UGT2B10: variants seen among roughly 807,000 people sequenced by gnomAD.
UGT2B10 encodes UDP-glucuronosyltransferase 2B10.
UGT2B10 carries 51 observed loss-of-function variants against 43.7 expected under a neutral mutation model. That is an observed-to-expected ratio of 1.17 (90% CI 0.93 to 1.47). The LOEUF (loss-of-function observed/expected upper bound fraction) is 1.47. Ranked by LOEUF, UGT2B10 falls within the 40% of genes most tolerant of loss-of-function variation. The pLI is 0.00. For missense variants in UGT2B10, 696 were observed against 617.7 expected, an observed-to-expected ratio of 1.13 and a Z score of -1.34; for synonymous variants, 225 against 209.0, an observed-to-expected ratio of 1.08 and a Z score of -0.66.
chr4:68,823,228 A>C lies in UGT2B10; in HGVS notation c.999+826A>C, dbSNP rs150311471. On this transcript the variant is annotated intron_variant, in intron 3 of 5. Coordinates refer to ENST00000265403, the MANE Select transcript of UGT2B10 (RefSeq NM_001075.6). ...TGTGATTAAAAGTGTAAACTATAGG[A>C]TGGGCATGGTGGTTCGCGCCTGTAA... 3.5e-3 allele frequency among the ~76,000 whole-genome samples: 537 copies of C among 152,082 alleles called. 3 individuals carry two copies. Among genetic ancestry groups the C allele is most frequent in the East Asian group, 0.013 (67 of 5,140 alleles).
At chr4:68,817,270 T>G (rs987084747) in intron 1 of UGT2B10, among the ~76,000 whole-genome samples, 36 of 151,752 alleles carry the variant, frequency 2.4e-4, no homozygotes, top group African/African-American at 8.7e-4. Flanking sequence ...TAATTTGAAG[T>G]TTCAAATGTT....
At chr4:68,819,560 T>A (rs1737391352) in intron 2 of UGT2B10, among the ~76,000 whole-genome samples, 1 of 152,002 alleles carries the variant, frequency 6.6e-6, no homozygotes, top group South Asian at 2.1e-4. Flanking sequence ...TGCATTGAGA[T>A]CCCAGAATTT....
chr4:68,817,779 T>C (rs1737287911), intron 1 of UGT2B10, among the ~76,000 whole-genome samples: 1 of 151,832 alleles, frequency 6.6e-6, no homozygotes, highest in South Asian at 2.1e-4. Context: ...GTGAGTATAC[T>C]GACATGACAT....
rs116686087 is a variant in UGT2B10 at position 68,829,209 on chromosome 4, C to A, written c.1308-1391C>A. Among the ~76,000 whole-genome samples the A allele has an allele frequency of 9.4e-3, 1,434 of 151,986 alleles. 30 individuals are homozygous for A. Among genetic ancestry groups the A allele is most frequent in the South Asian group, 0.059 (282 of 4,820 alleles). The stretch of plus-strand genomic sequence containing the variant: ...CAATGGAATTACCCAAGAACGGTTA[C>A]ACTAAAAAAAATAAACACTAAGGAG... On this transcript the variant is annotated intron_variant, in intron 5 of 5. Transcript: ENST00000265403.
chr4:68,819,229 T>C (rs1737375610), intron 2 of UGT2B10, among the ~76,000 whole-genome samples: 1 of 152,002 alleles, frequency 6.6e-6, no homozygotes, highest in African/African-American at 2.4e-5. Context: ...ATTTTATTAC[T>C]AATACTACTA....
intron 3 of UGT2B10, among the ~76,000 whole-genome samples, chr4:68,824,041 C>T (rs1737646649): frequency 6.6e-6 from 1 of 152,182 alleles, no homozygotes; most frequent in Non-Finnish European, 1.5e-5. Flanking sequence ...TGGGTGACTT[C>T]AGTAGCACAA....
At chr4:68,821,348 G>C (rs1737483731) in intron 2 of UGT2B10, among the ~76,000 whole-genome samples, 1 of 152,150 alleles carries the variant, frequency 6.6e-6, no homozygotes, top group South Asian at 2.1e-4. Context: ...CTACTCAAAA[G>C]AGAGACAAGA....
Position 68,822,122 on chromosome 4 carries a change from G to A in UGT2B10, c.868-149G>A, listed in dbSNP as rs542495000. ...TCATACATCTTCTTGCAAAGAAACA[G>A]TGATTGAGTCAGTTAAAAAATATTA... On this transcript the variant is annotated intron_variant, in intron 2 of 5. Coordinates refer to ENST00000265403, the MANE Select transcript of UGT2B10 (RefSeq NM_001075.6). 300 of 1,215,756 alleles carry A rather than the reference G, an allele frequency of 2.5e-4. 6 individuals are homozygous for A. The South Asian group carries it at 3.1e-3, about 12-fold the overall frequency. The allele number at this position is 1,215,756 out of a possible 1,614,324, so 75.3% of individuals were successfully genotyped here.
In UGT2B10 at chr4:68,816,731, G is replaced by A. The variant is rs1169648748; in HGVS notation, c.712G>A (p.Val238Ile). The A allele has an allele frequency of 1.3e-6, 2 of 1,586,966 alleles. No homozygotes were observed. Among genetic ancestry groups the A allele is most frequent in the Non-Finnish European group, 1.7e-6 (2 of 1,168,590 alleles). The part of the protein sequence containing the change: ...MKKWDQFYSE[V>I]LGRPTTLSET... ...GAAGTGGGATCAGTTTTACAGTGAA[G>A]TTTTAGGTAAGATTTTTTTCAATTA... Residue 238 changes from valine to isoleucine, a missense_variant, in exon 1 of 6, where the codon GTT becomes ATT. By Grantham distance (29) the Val-to-Ile change is conservative (BLOSUM62 3). Coordinates refer to ENST00000265403, the MANE Select transcript of UGT2B10 (RefSeq NM_001075.6).
In UGT2B10 at chr4:68,830,761, T is replaced by C. The variant is rs766051025; in HGVS notation, c.1469T>C (p.Leu490Ser). ...CTCACCTGGTTCCAGTACCACTCTT[T>C]GGATGTGATTGGGTTCCTGCTGGCT... is the stretch of plus-strand genomic sequence containing the variant. ...HNLTWFQYHS[L>S]DVIGFLLACV... The change falls in exon 6 of 6, where the codon TTG becomes TCG. Residue 490 changes from leucine (L) to serine (S), a missense_variant. By Grantham distance (145) the Leu-to-Ser change is moderately radical. Coordinates refer to ENST00000265403, the MANE Select transcript of UGT2B10 (RefSeq NM_001075.6). 52 of 1,613,426 alleles carry C rather than the reference T, an allele frequency of 3.2e-5. No homozygotes were observed. The East Asian group carries it at 1.2e-3, about 36-fold the overall frequency.
At chr4:68,817,878 AATTATTCCTAT>A in intron 1 of UGT2B10, 140 bp from the exon 2 acceptor site, 1 of 906,368 alleles carries the variant, frequency 1.1e-6, no homozygotes, top group Non-Finnish European at 1.5e-6. Flanking sequence ...ATAAAAAATA[AATTATTCCTAT>A]ATATGAATAT....
rs371284718 is a variant in UGT2B10, at chr4:68,817,993, A to T, written c.719-36A>T. 1.3e-5 allele frequency: 20 copies of T among 1,589,536 alleles called. No individual in the cohort carries two copies. The African/African-American group carries it at 2.3e-4, about 18-fold the overall frequency. On this transcript the variant is annotated intron_variant, in intron 1 of 5. Coordinates refer to ENST00000265403, the MANE Select transcript of UGT2B10 (RefSeq NM_001075.6). ...GAAAATTACATAAAGTAATTATCTT[A>T]TGTCATCCACTTCTTCTTTTCTTTA... is the stretch of plus-strand genomic sequence containing the variant.
rs1432535982 is a variant in UGT2B10, at chr4:68,831,475, A to G, written c.*596A>G. Among the ~76,000 whole-genome samples the G allele has an allele frequency of 6.6e-6, 1 of 152,158 alleles. No individual in the cohort carries two copies. The highest frequency in any genetic ancestry group is 2.4e-5 in the African/African-American group (1 of 41,464). The stretch of plus-strand genomic sequence containing the variant: ...CATAAAAGAAGAATGGGATGAGGTG[A>G]GAAGGATGAATACAAAAATAATTAG... On this transcript the variant is annotated 3_prime_UTR_variant, in exon 6 of 6. Coordinates refer to ENST00000265403, the MANE Select transcript of UGT2B10 (RefSeq NM_001075.6).
Position 68,831,119 on chromosome 4 carries a change from A to G in UGT2B10, c.*240A>G. ...ATAAAAAATAATATAAAGCCATATG[A>G]GCTTGTATTGAAATTTGTTGCACTT... On this transcript the variant is annotated 3_prime_UTR_variant, in exon 6 of 6. Coordinates refer to ENST00000265403, the MANE Select transcript of UGT2B10 (RefSeq NM_001075.6). The G allele has an allele frequency of 2.0e-6, 1 of 510,444 alleles. No homozygotes were observed. The highest frequency in any genetic ancestry group is 3.3e-6 in the Non-Finnish European group (1 of 301,684). 31.6% of individuals were successfully genotyped at this position (510,444 alleles called of 1,614,324 possible).
At position 68,822,366 on chromosome 4, in the gene UGT2B10, C is replaced by T. The variant is rs374908612; in HGVS notation, c.963C>T (p.Asn321=). The change falls in exon 3 of 6, where the codon AAC becomes AAT. Residue 321 remains asparagine (N), a synonymous_variant. Coordinates refer to ENST00000265403, the MANE Select transcript of UGT2B10 (RefSeq NM_001075.6). ...GTAACATGACAGAAGAAAGGGCCAA[C>T]GTAATTGCAACAGCCCTTGCCAAGA... is the stretch of plus-strand genomic sequence containing the variant. ...MVSNMTEERA[N]VIATALAKIP... 88 of 1,613,432 alleles carry T rather than the reference C, an allele frequency of 5.5e-5. No homozygotes were observed. The highest frequency in any genetic ancestry group is 1.6e-4 in the South Asian group (15 of 91,066).
intron 2 of UGT2B10, among the ~76,000 whole-genome samples, chr4:68,821,851 G>C (rs1389124229): frequency 6.6e-6 from 1 of 151,300 alleles, no homozygotes; most frequent in East Asian, 2.0e-4. Context: ...CAGAAAACCT[G>C]CCTGAAATAA....
rs114760275 is a variant in UGT2B10, at chr4:68,825,439, G to A, written c.1000-971G>A. Among the ~76,000 whole-genome samples the A allele has an allele frequency of 5.3e-5, 8 of 151,868 alleles. No homozygotes were observed. In the South Asian group the frequency reaches 1.5e-3, roughly 28 times the overall value. On this transcript the variant is annotated intron_variant, in intron 3 of 5. Transcript: ENST00000265403. Reference sequence around the variant, plus strand: ...TTGTACTGATTGTTTCATCACCCACGTATTAAGACTAATATTCATTTATTA... The same window carrying A: ...TTGTACTGATTGTTTCATCACCCACATATTAAGACTAATATTCATTTATTA...
At chr4:68,825,134 G>C (rs1003829963) in intron 3 of UGT2B10, among the ~76,000 whole-genome samples, 6 of 151,880 alleles carry the variant, frequency 4.0e-5, no homozygotes, top group African/African-American at 1.5e-4. Context: ...TAGATATATT[G>C]AAACTACTCA....
intron 1 of UGT2B10, among the ~76,000 whole-genome samples, chr4:68,817,419 G>C (rs182190130): frequency 1.3e-5 from 2 of 151,608 alleles, no homozygotes; most frequent in African/African-American, 2.4e-5. Context: ...GATTATGGTC[G>C]AGTACAGATC....
Sources: allele counts gnomAD v4.1 joint callset (sites outside exome capture counted in the v4.1 genomes callset), GRCh38; gene constraint gnomAD v4.1.1; transcripts MANE v1.5; gene names NCBI Gene and HGNC (gene_info 2026-07-23, HGNC 2026-07-21).